ADCY9: variants seen among roughly 807,000 people sequenced by gnomAD.
ADCY9 encodes adenylate cyclase type 9.
A neutral mutation model predicts 101.5 loss-of-function variants in ADCY9; 50 were observed. The observed-to-expected ratio is 0.49, with a 90% CI of 0.39 to 0.62. The LOEUF (loss-of-function observed/expected upper bound fraction) is 0.62. ADCY9 is among the 20% of genes least tolerant of loss of function. ADCY9 has a pLI of 0.00. For synonymous variants in ADCY9, 905 were observed against 769.3 expected (o/e 1.18, Z -2.92); for missense variants, 1,662 against 1,800.4 (o/e 0.92, Z 1.39).
At chr16:3,987,580 G>C (rs886737805) in intron 6 of ADCY9, among the ~76,000 whole-genome samples, 3 of 152,222 alleles carry the variant, frequency 2.0e-5, no homozygotes, top group African/African-American at 7.2e-5. Flanking sequence ...CCACCAACCA[G>C]CCAACTGCCA....
intron 3 of ADCY9, among the ~76,000 whole-genome samples, chr16:4,000,994 CACACACACACACACAT>C (rs2056325933): frequency 6.7e-6 from 1 of 149,952 alleles, no homozygotes; most frequent in Non-Finnish European, 1.5e-5. Context: ...CACACACACA[CACACACACACACACAT>C]ATATAATTTC....
intron 2 of ADCY9, among the ~76,000 whole-genome samples, chr16:4,016,916 A>C (rs1250320333): frequency 1.3e-5 from 2 of 152,226 alleles, no homozygotes; most frequent in African/African-American, 4.8e-5. Flanking sequence ...GCACAACACC[A>C]TGAATATACT....
downstream of ADCY9, among the ~76,000 whole-genome samples, chr16:3,960,310 TG>T (rs1836559343): frequency 6.6e-6 from 1 of 151,508 alleles, no homozygotes. Flanking sequence ...ACCTGAGGTC[TG>T]GAGTTTGAGA....
intron 2 of ADCY9, among the ~76,000 whole-genome samples, chr16:4,061,239 A>G (rs1367981737): frequency 6.6e-6 from 1 of 152,156 alleles, no homozygotes; most frequent in African/African-American, 2.4e-5. Flanking sequence ...ATGCCAACAT[A>G]TATATAAAGG....
At chr16:4,072,845 A>G (rs1023593909) in intron 2 of ADCY9, among the ~76,000 whole-genome samples, 1 of 152,080 alleles carries the variant, frequency 6.6e-6, no homozygotes, top group African/African-American at 2.4e-5. Context: ...ATTGGGAAAC[A>G]TATTACATTC....
At chr16:4,097,487 T>TATATATACATAC (rs76750792) in intron 2 of ADCY9, among the ~76,000 whole-genome samples, 2 of 72,508 alleles carry the variant, frequency 2.8e-5, no homozygotes, top group African/African-American at 1.0e-4. Context: ...TATATATATA[T>TATATATACATAC]ACACACACAC....
intron 2 of ADCY9, among the ~76,000 whole-genome samples, chr16:4,012,300 G>T (rs2056409438): frequency 6.6e-6 from 1 of 152,172 alleles, no homozygotes; most frequent in Non-Finnish European, 1.5e-5. Flanking sequence ...GTAAGGCAGA[G>T]CCCAGCTGCC....
intron 5 of ADCY9, among the ~76,000 whole-genome samples, chr16:3,991,503 G>A (rs1334894622): frequency 6.6e-6 from 1 of 152,122 alleles, no homozygotes; most frequent in Non-Finnish European, 1.5e-5. Context: ...GCTCACACCT[G>A]TAATCCCAGC....
In ADCY9 at chr16:3,992,404, T is replaced by C. The variant is rs374079898; in HGVS notation, c.1990-41A>G. ...GAGGACGCAGACACGGGAAGTGAAG[T>C]GGCACCGGGCACTGGGCACACACGC... On this transcript the variant is annotated intron_variant, in intron 4 of 10. Transcript: ENST00000294016. This position sits in a 1 kb window ranked among gnomAD's most constrained non-coding sequence, Gnocchi z 4.2. The C allele has an allele frequency of 2.3e-4, 368 of 1,584,898 alleles. No individual in the cohort carries two copies. Among genetic ancestry groups the C allele is most frequent in the Non-Finnish European group, 3.0e-4 (346 of 1,157,826 alleles).
chr16:4,049,931 T>TA (rs375840388), intron 2 of ADCY9, among the ~76,000 whole-genome samples: 547 of 151,736 alleles, frequency 3.6e-3, no homozygotes, highest in African/African-American at 0.012. Flanking sequence ...CTCAGGAAGC[T>TA]AGGGTGGGAG....
At position 3,962,944 on chromosome 16, in the gene ADCY9, T is replaced by C. The variant is rs1029527497; in HGVS notation, c.*2831A>G. 6.5e-6 allele frequency: 1 copy of C among 152,716 alleles called. No homozygotes were observed. The highest frequency in any genetic ancestry group is 1.5e-5 in the Non-Finnish European group (1 of 68,284). 9.5% of individuals were successfully genotyped at this position (152,716 alleles called of 1,614,324 possible). A position where few individuals can be genotyped will look rare whatever the true frequency, so the allele number is the denominator to read the frequency against. On this transcript the variant is annotated 3_prime_UTR_variant, in exon 11 of 11. Transcript: ENST00000294016. ...GCGGCCTTCGGCTCTCCGGATCGTGTGCAAATGTGCAGGGGGAGCCCCCGC... is the reference window on the plus strand; with the variant it reads ...GCGGCCTTCGGCTCTCCGGATCGTGCGCAAATGTGCAGGGGGAGCCCCCGC...
At chr16:4,101,860 C>T (rs981008457) in intron 2 of ADCY9, among the ~76,000 whole-genome samples, 14 of 152,168 alleles carry the variant, frequency 9.2e-5, no homozygotes, top group African/African-American at 2.7e-4. Flanking sequence ...CCTCCAGGCT[C>T]TGGGGAACTG....
At chr16:4,055,094 GCAGA>G (rs2056728388) in intron 2 of ADCY9, among the ~76,000 whole-genome samples, 1 of 152,176 alleles carries the variant, frequency 6.6e-6, no homozygotes, top group Non-Finnish European at 1.5e-5. Flanking sequence ...GGCACACAAG[GCAGA>G]CAGAGGCAGA....
At chr16:4,020,763 T>C (rs2056470690) in intron 2 of ADCY9, among the ~76,000 whole-genome samples, 1 of 151,634 alleles carries the variant, frequency 6.6e-6, no homozygotes, top group Non-Finnish European at 1.5e-5. Flanking sequence ...GAGGCGGAGC[T>C]TGCAGTGAGC....
In ADCY9 at chr16:4,115,562, C is replaced by T. The variant is rs917406870; in HGVS notation, c.-43-77G>A. On this transcript the variant is annotated intron_variant, in intron 1 of 10. Coordinates refer to ENST00000294016, the MANE Select transcript of ADCY9 (RefSeq NM_001116.4). This position sits in a 1 kb window ranked among gnomAD's most constrained non-coding sequence, Gnocchi z 6.2. The stretch of plus-strand genomic sequence containing the variant: ...CTAGAGGCCCGGGACCTGCTCCTGT[C>T]CTAAGGGGCGGCTCCAGCACGCGAC... 8.7e-6 allele frequency: 11 copies of T among 1,271,140 alleles called. No individual in the cohort carries two copies. In the East Asian group the frequency reaches 2.8e-4, roughly 32 times the overall value. The allele number at this position is 1,271,140 out of a possible 1,614,324, so 78.7% of individuals were successfully genotyped here. A position where few individuals can be genotyped will look rare whatever the true frequency, so the allele number is the denominator to read the frequency against.
chr16:4,023,043 C>T (rs2056488673), intron 2 of ADCY9, among the ~76,000 whole-genome samples: 1 of 152,150 alleles, frequency 6.6e-6, no homozygotes. Flanking sequence ...CAACGGTGGT[C>T]CATCTGCAAA....
intron 9 of ADCY9, among the ~76,000 whole-genome samples, chr16:3,976,743 C>T (rs749156632): frequency 1.3e-5 from 2 of 152,154 alleles, no homozygotes; most frequent in African/African-American, 2.4e-5. Flanking sequence ...CTGCAACCTC[C>T]GCCTCCCGGG....
intron 6 of ADCY9, among the ~76,000 whole-genome samples, chr16:3,985,497 A>G (rs1200786402): frequency 6.6e-6 from 1 of 152,076 alleles, no homozygotes; most frequent in Non-Finnish European, 1.5e-5. Context: ...AGGCCCACGC[A>G]CGTCCCCTTT....
At chr16:4,082,473 C>A (rs1343856065) in intron 2 of ADCY9, among the ~76,000 whole-genome samples, 1 of 152,178 alleles carries the variant, frequency 6.6e-6, no homozygotes, top group East Asian at 1.9e-4. Flanking sequence ...TCATGTCCTC[C>A]CCGTTCCCAC....
Sources: gnomAD v4.1 joint callset for allele counts (sites outside exome capture counted in the v4.1 genomes callset) on GRCh38, gnomAD v4.1.1 for gene constraint, Gnocchi (gnomAD v3.1) non-coding constraint, MANE v1.5 for transcripts, NCBI Gene and HGNC (gene_info 2026-07-23, HGNC 2026-07-21) for gene names.